SPAG16: variants seen among roughly 807,000 people sequenced by gnomAD.
SPAG16 encodes the protein sperm associated antigen 16, also known as sperm-associated antigen 16 protein.
In SPAG16, 86 loss-of-function variants were observed where a neutral mutation model predicts 80.4. The observed-to-expected ratio is 1.07, with a 90% CI of 0.90 to 1.28. SPAG16 has a LOEUF of 1.28. SPAG16 is among the 50% of genes most tolerant of loss of function. SPAG16 has a pLI of 0.00. For synonymous variants in SPAG16, 294 were observed against 265.9 expected (o/e 1.11, Z -1.03); for missense variants, 870 against 765.3 (o/e 1.14, Z -1.61).
intron 10 of SPAG16, among the ~76,000 whole-genome samples, chr2:213,691,779 C>G (rs1225534504): frequency 6.6e-6 from 1 of 151,818 alleles, no homozygotes; most frequent in Non-Finnish European, 1.5e-5. Context: ...TCTTGTTGTC[C>G]CCACCAGATT....
chr2:214,041,976 GTGTATATATATATA>G (rs2049041159), intron 13 of SPAG16, among the ~76,000 whole-genome samples: 1 of 88,276 alleles, frequency 1.1e-5, no homozygotes, highest in African/African-American at 5.4e-5. Flanking sequence ...GTGTCTGTGT[GTGTATATATATATA>G]TATATATATA....
chr2:213,525,402 C>T (rs1271926637), intron 10 of SPAG16, among the ~76,000 whole-genome samples: 1 of 149,278 alleles, frequency 6.7e-6, no homozygotes, highest in Non-Finnish European at 1.5e-5. Flanking sequence ...TATTCTTCTG[C>T]CTCAGCCTCC....
intron 12 of SPAG16, among the ~76,000 whole-genome samples, chr2:213,950,100 G>T (rs1458277259): frequency 6.6e-6 from 1 of 152,128 alleles, no homozygotes. Context: ...GGATTCACCT[G>T]AATATTAAAC....
intron 15 of SPAG16, among the ~76,000 whole-genome samples, chr2:214,269,079 A>G (rs1432458377): frequency 6.6e-6 from 1 of 151,986 alleles, no homozygotes; most frequent in Non-Finnish European, 1.5e-5. Flanking sequence ...GAGTTTTAAA[A>G]ATTTAAATTA....
intron 15 of SPAG16, among the ~76,000 whole-genome samples, chr2:214,223,540 T>G (rs2058632799): frequency 6.6e-6 from 1 of 152,138 alleles, no homozygotes; most frequent in African/African-American, 2.4e-5. Context: ...ATAAAATATT[T>G]GATTAATTTA....
At chr2:214,016,769 T>G (rs951104939) in intron 13 of SPAG16, among the ~76,000 whole-genome samples, 10 of 152,176 alleles carry the variant, frequency 6.6e-5, no homozygotes, top group African/African-American at 2.4e-4. Flanking sequence ...CATATTCTTC[T>G]TAGTGATATT....
chr2:213,785,933 G>A (rs1575132075), intron 10 of SPAG16, among the ~76,000 whole-genome samples: 1 of 150,344 alleles, frequency 6.7e-6, no homozygotes, highest in Non-Finnish European at 1.5e-5. Flanking sequence ...CTTGAACCCG[G>A]GAGGCGGAGT....
intron 13 of SPAG16, among the ~76,000 whole-genome samples, chr2:214,041,825 T>C (rs944695118): frequency 6.6e-6 from 1 of 151,216 alleles, no homozygotes; most frequent in African/African-American, 2.4e-5. Context: ...CTGAAATATT[T>C]TTAAACAAAA....
intron 12 of SPAG16, among the ~76,000 whole-genome samples, chr2:213,979,466 G>A (rs370171373): frequency 6.6e-6 from 1 of 152,002 alleles, no homozygotes; most frequent in African/African-American, 2.4e-5. Flanking sequence ...GCATTGCTGG[G>A]GAGGCCTCAG....
intron 10 of SPAG16, among the ~76,000 whole-genome samples, chr2:213,564,382 C>G (rs2059692755): frequency 6.6e-6 from 1 of 151,638 alleles, no homozygotes; most frequent in Non-Finnish European, 1.5e-5. Context: ...GTAATCCCAG[C>G]TACTCGAGAG....
chr2:214,268,805 A>T (rs1360438092), intron 15 of SPAG16, among the ~76,000 whole-genome samples: 1 of 151,784 alleles, frequency 6.6e-6, no homozygotes, highest in African/African-American at 2.4e-5. Context: ...GTGTCATTAG[A>T]TATACCATTA....
intron 15 of SPAG16, among the ~76,000 whole-genome samples, chr2:214,244,123 A>G (rs1043945589): frequency 7.2e-5 from 11 of 152,162 alleles, no homozygotes; most frequent in Non-Finnish European, 1.6e-4. Flanking sequence ...ACATATGTAT[A>G]GGAAATAAAG....
At chr2:213,791,724 C>T (rs904788838) in intron 10 of SPAG16, among the ~76,000 whole-genome samples, 2 of 151,890 alleles carry the variant, frequency 1.3e-5, no homozygotes, top group African/African-American at 4.8e-5. Context: ...ATATATTCTT[C>T]CAAAATATAA....
At position 214,345,044 on chromosome 2, in the gene SPAG16, A is replaced by C. The variant is rs574822022; in HGVS notation, c.1721-65096A>C. Among the ~76,000 whole-genome samples, 18 of 152,280 alleles carry C rather than the reference A, an allele frequency of 1.2e-4. No homozygotes were observed. In the South Asian group the frequency reaches 3.7e-3, roughly 32 times the overall value. On this transcript the variant is annotated intron_variant, in intron 15 of 15. Transcript: ENST00000331683. ...TCCAGGCCACACAATATGATGGGAA[A>C]CAATCGTTCTTACCTTTAGTAAACT...
intron 9 of SPAG16, among the ~76,000 whole-genome samples, chr2:213,452,226 C>T (rs1420068696): frequency 6.6e-6 from 1 of 152,072 alleles, no homozygotes; most frequent in Non-Finnish European, 1.5e-5. Flanking sequence ...TTCTGAGCTG[C>T]TTTTTGTTAG....
intron 10 of SPAG16, among the ~76,000 whole-genome samples, chr2:213,803,224 G>A (rs2071529301): frequency 6.6e-6 from 1 of 152,162 alleles, no homozygotes; most frequent in African/African-American, 2.4e-5. Context: ...CCTGGAATAT[G>A]GCAAGATGAC....
intron 15 of SPAG16, among the ~76,000 whole-genome samples, chr2:214,365,985 T>TC (rs966371628): frequency 1.3e-5 from 2 of 151,832 alleles, no homozygotes; most frequent in African/African-American, 4.8e-5. Context: ...CCAGGTTTTT[T>TC]TTTTTTTTTT....
At chr2:213,492,706 G>A (rs1395806189) in intron 10 of SPAG16, among the ~76,000 whole-genome samples, 1 of 136,298 alleles carries the variant, frequency 7.3e-6, no homozygotes, top group Non-Finnish European at 1.6e-5. Flanking sequence ...TTTTGTGCTT[G>A]GGGACTATGT....
chr2:213,891,725 C>G (rs892161705), intron 11 of SPAG16, among the ~76,000 whole-genome samples: 6 of 152,174 alleles, frequency 3.9e-5, no homozygotes, highest in African/African-American at 1.2e-4. Flanking sequence ...ATGAGAATTC[C>G]TGGGGCCACA....
Sources: gnomAD v4.1 joint callset for allele counts (sites outside exome capture counted in the v4.1 genomes callset) on GRCh38, gnomAD v4.1.1 for gene constraint, MANE v1.5 for transcripts, NCBI Gene and HGNC (gene_info 2026-07-23, HGNC 2026-07-21) for gene names.